Variants in PPM1H observed in about 807,000 individuals in gnomAD.
The protein encoded by PPM1H is protein phosphatase, Mg2+/Mn2+ dependent 1H, also known as protein phosphatase 1H.
PPM1H carries 27 observed loss-of-function variants against 54.9 expected under a neutral mutation model. The observed-to-expected ratio is 0.49, with a 90% CI of 0.36 to 0.68. The LOEUF is 0.68. Among genes scored for constraint, PPM1H ranks in the 30% least tolerant of loss-of-function variants. The probability of loss-of-function intolerance (pLI) is 0.00; values close to 1 mark genes in which losing one functional copy is unlikely to be tolerated. For synonymous variants in PPM1H, 305 were observed against 270.8 expected, an observed-to-expected ratio of 1.13 and a Z score of -1.24; for missense variants, 596 against 667.8, an observed-to-expected ratio of 0.89 and a Z score of 1.19.
intron 3 of PPM1H, among the ~76,000 whole-genome samples, chr12:62,789,773 G>A (rs1310803712): frequency 6.6e-6 from 1 of 152,140 alleles, no homozygotes; most frequent in Non-Finnish European, 1.5e-5. Context: ...AGTTTGTGTT[G>A]TTACCTGCCA....
At chr12:62,858,529 A>AT (rs1389091069) in intron 1 of PPM1H, among the ~76,000 whole-genome samples, 9 of 152,196 alleles carry the variant, frequency 5.9e-5, no homozygotes, top group African/African-American at 2.2e-4. Flanking sequence ...ACTTGCAAGC[A>AT]TGCAATCTGT....
chr12:62,714,024 A>T (rs1033476596), intron 6 of PPM1H, among the ~76,000 whole-genome samples: 1 of 152,028 alleles, frequency 6.6e-6, no homozygotes, highest in Non-Finnish European at 1.5e-5. Context: ...TGGGATGCTG[A>T]GTTACAGAGA....
At chr12:62,777,932 C>T (rs1052425529) in intron 4 of PPM1H, among the ~76,000 whole-genome samples, 6 of 152,064 alleles carry the variant, frequency 3.9e-5, no homozygotes, top group African/African-American at 1.2e-4. Context: ...TTTCATTATT[C>T]AAATGTGTTC....
intron 1 of PPM1H, among the ~76,000 whole-genome samples, chr12:62,893,268 A>G (rs2121088509): frequency 6.6e-6 from 1 of 152,310 alleles, no homozygotes; most frequent in Middle Eastern, 3.4e-3. Context: ...CTTCAACAAC[A>G]TAAATTTGTA....
intron 1 of PPM1H, among the ~76,000 whole-genome samples, chr12:62,928,510 T>G (rs1157401376): frequency 6.6e-6 from 1 of 152,172 alleles, no homozygotes; most frequent in Admixed American, 6.5e-5. Flanking sequence ...AAATCACAGT[T>G]AAATAACTGC....
chr12:62,860,261 G>A (rs559160764), intron 1 of PPM1H, among the ~76,000 whole-genome samples: 1 of 152,158 alleles, frequency 6.6e-6, no homozygotes, highest in East Asian at 1.9e-4. Flanking sequence ...GACAGCATGG[G>A]GGTAACCACC....
intron 5 of PPM1H, among the ~76,000 whole-genome samples, chr12:62,722,653 C>G (rs1028912394): frequency 1.3e-5 from 2 of 152,144 alleles, no homozygotes; most frequent in Admixed American, 6.5e-5. Flanking sequence ...GAGCCACACA[C>G]AGTATGGGCA....
chr12:62,809,642 A>G lies in PPM1H; in HGVS notation c.412-7482T>C, dbSNP rs2076823802. Among the ~76,000 whole-genome samples, 3 of 152,280 alleles carry G rather than the reference A, an allele frequency of 2.0e-5. No homozygotes were observed. The South Asian group carries it at 6.2e-4, about 32-fold the overall frequency. The stretch of plus-strand genomic sequence containing the variant: ...AGGTGATGCTTTTAAAGCATCTGAA[A>G]CCTGCGATTTCACTGCAAATACACA... On this transcript the variant is annotated intron_variant, in intron 2 of 9. Transcript: ENST00000228705.
chr12:62,791,164 A>G (rs1369533837), intron 3 of PPM1H, among the ~76,000 whole-genome samples: 3 of 152,230 alleles, frequency 2.0e-5, no homozygotes, highest in Admixed American at 6.5e-5. Context: ...AAAGCTTACA[A>G]TGCCAACGCT....
chr12:62,853,175 G>A (rs1265356713), intron 1 of PPM1H, among the ~76,000 whole-genome samples: 1 of 152,066 alleles, frequency 6.6e-6, no homozygotes, highest in African/African-American at 2.4e-5. Flanking sequence ...CAGGAGAAAT[G>A]TGCTTGTTCT....
chr12:62,809,564 G>C (rs892837279), intron 2 of PPM1H, among the ~76,000 whole-genome samples: 1 of 152,186 alleles, frequency 6.6e-6, no homozygotes, highest in Non-Finnish European at 1.5e-5. Flanking sequence ...GGTGGCCTGG[G>C]CAATGCAACT....
At chr12:62,864,251 C>T (rs552563274) in intron 1 of PPM1H, among the ~76,000 whole-genome samples, 3 of 152,252 alleles carry the variant, frequency 2.0e-5, no homozygotes, top group South Asian at 2.1e-4. Flanking sequence ...AGAAGGTGGG[C>T]GCTTCTACAA....
At chr12:62,924,210 G>C (rs1007294289) in intron 1 of PPM1H, among the ~76,000 whole-genome samples, 1 of 151,950 alleles carries the variant, frequency 6.6e-6, no homozygotes, top group Non-Finnish European at 1.5e-5. Flanking sequence ...CTGAGGCCCA[G>C]AGTGGGGGGG....
intron 9 of PPM1H, among the ~76,000 whole-genome samples, chr12:62,662,475 G>C (rs2075890219): frequency 6.6e-6 from 1 of 152,116 alleles, no homozygotes; most frequent in African/African-American, 2.4e-5. Context: ...CTGAATTTCT[G>C]TTGTGAAATA....
At position 62,788,104 on chromosome 12, in the gene PPM1H, C is replaced by T. The variant is rs1271251118; in HGVS notation, c.869+122G>A. ...ATATCAACCTGATTGTCCTTAAATGCATTTTCATTCTGATGTAGAAGGCCT... is the reference window on the plus strand; with the variant it reads ...ATATCAACCTGATTGTCCTTAAATGTATTTTCATTCTGATGTAGAAGGCCT... On this transcript the variant is annotated intron_variant, in intron 4 of 9. Coordinates refer to ENST00000228705, the MANE Select transcript of PPM1H (RefSeq NM_020700.2). 7 of 692,734 alleles carry T rather than the reference C, an allele frequency of 1.0e-5. No homozygotes were observed. The East Asian group carries it at 1.9e-4, about 19-fold the overall frequency. 42.9% of individuals were successfully genotyped at this position (692,734 alleles called of 1,614,324 possible).
In PPM1H at chr12:62,807,367, C is replaced by T. The variant is rs146755913; in HGVS notation, c.412-5207G>A. 1.6e-4 allele frequency among the ~76,000 whole-genome samples: 25 copies of T among 152,126 alleles called. No individual in the cohort carries two copies. The East Asian group carries it at 4.8e-3, about 29-fold the overall frequency. ...TGCTAAGGTAGGAGGTAAATCCTGC[C>T]CTAAAAAACATTCAGTCACATTCAG... On this transcript the variant is annotated intron_variant, in intron 2 of 9. Coordinates refer to ENST00000228705, the MANE Select transcript of PPM1H (RefSeq NM_020700.2).
intron 1 of PPM1H, among the ~76,000 whole-genome samples, chr12:62,912,253 G>T (rs1266305466): frequency 6.6e-6 from 1 of 152,224 alleles, no homozygotes; most frequent in African/African-American, 2.4e-5. Flanking sequence ...GCCTAGGACA[G>T]TAAAATCTAG....
intron 4 of PPM1H, among the ~76,000 whole-genome samples, chr12:62,787,031 C>T (rs78360483): frequency 5.9e-5 from 9 of 152,292 alleles, no homozygotes; most frequent in East Asian, 5.8e-4. Context: ...ACTGCCAGGT[C>T]GGTTTGCTCC....
intron 1 of PPM1H, among the ~76,000 whole-genome samples, chr12:62,852,154 G>C (rs1869214871): frequency 6.6e-6 from 1 of 150,676 alleles, no homozygotes; most frequent in Non-Finnish European, 1.5e-5. Context: ...GCTTGAACCT[G>C]GGAGGCAGAG....
Sources: gnomAD v4.1 joint callset for allele counts (sites outside exome capture counted in the v4.1 genomes callset) on GRCh38, gnomAD v4.1.1 for gene constraint, MANE v1.5 for transcripts, NCBI Gene and HGNC (gene_info 2026-07-23, HGNC 2026-07-21) for gene names.